Variants in MTREX observed in about 807,000 individuals in gnomAD.
MTREX encodes exosome RNA helicase MTR4.
A neutral mutation model predicts 135.4 loss-of-function variants in MTREX; 76 were observed. That is an observed-to-expected ratio of 0.56 (90% CI 0.47 to 0.68). The LOEUF is 0.68. MTREX is among the 30% of genes least tolerant of loss of function. The pLI is 0.00. For synonymous variants in MTREX, 404 were observed against 401.6 expected (o/e 1.01, Z -0.07); for missense variants, 920 against 1,262.1 (o/e 0.73, Z 4.11).
chr5:55,390,593 C>T (rs1037255476), intron 19 of MTREX, among the ~76,000 whole-genome samples: 1 of 152,136 alleles, frequency 6.6e-6, no homozygotes, highest in Non-Finnish European at 1.5e-5. Flanking sequence ...GACACTGTTG[C>T]TTTGCCAGCT....
chr5:55,322,382 A>G lies in MTREX; in HGVS notation c.190A>G (p.Arg64Gly). 6.2e-7 allele frequency: 1 copy of G among 1,610,026 alleles called. No individual in the cohort carries two copies. The highest frequency in any genetic ancestry group is 8.5e-7 in the Non-Finnish European group (1 of 1,177,366). Residue 64 changes from arginine (R) to glycine (G), a missense_variant, in exon 2 of 27, where the codon AGA becomes GGA. This residue lies in a region of MTREX where 136 missense variants were observed against 126.7 expected (regional missense o/e 1.07). Coordinates refer to ENST00000230640, the MANE Select transcript of MTREX (RefSeq NM_015360.5). Reference sequence around the variant, plus strand: ...ATCAACTAATAATGGAAAAAATAAGAGAGATGTAGATTTCGAAGGTACAGA... The same window carrying G: ...ATCAACTAATAATGGAAAAAATAAGGGAGATGTAGATTTCGAAGGTACAGA... Reference protein sequence around the residue: ...SESTNNGKNKRDVDFEGTDEP... With the variant: ...SESTNNGKNKGDVDFEGTDEP...
intron 23 of MTREX, among the ~76,000 whole-genome samples, chr5:55,411,942 TGTTC>T (rs1750890138): frequency 6.6e-6 from 1 of 152,198 alleles, no homozygotes. Context: ...ATTATTTGCA[TGTTC>T]TTGTTGTTTT....
In MTREX at chr5:55,378,311, C is replaced by T. The variant is rs759803687; in HGVS notation, c.1811-3C>T. The T allele has an allele frequency of 6.9e-6, 11 of 1,583,734 alleles. No individual in the cohort carries two copies. The highest frequency in any genetic ancestry group is 9.4e-6 in the Non-Finnish European group (11 of 1,170,496). On this transcript the variant is annotated splice_region_variant and splice_polypyrimidine_tract_variant and intron_variant, in intron 16 of 26. Coordinates refer to ENST00000230640, the MANE Select transcript of MTREX (RefSeq NM_015360.5). Reference sequence around the variant, plus strand: ...TAATTTTGTACATGTGTTCTATTTACAGAGGTAAAGAATTCAGAAGAACAG... The same window carrying T: ...TAATTTTGTACATGTGTTCTATTTATAGAGGTAAAGAATTCAGAAGAACAG...
chr5:55,393,873 C>T (rs1407749739), intron 19 of MTREX, among the ~76,000 whole-genome samples: 2 of 152,110 alleles, frequency 1.3e-5, no homozygotes, highest in Non-Finnish European at 2.9e-5. Flanking sequence ...AATTTTTAAA[C>T]ATTTAACTTC....
intron 5 of MTREX, among the ~76,000 whole-genome samples, chr5:55,331,955 G>A (rs747489943): frequency 1.5e-4 from 23 of 152,174 alleles, no homozygotes; most frequent in Non-Finnish European, 3.1e-4. Context: ...CCATCTTGGT[G>A]TAAGTGGATG....
At chr5:55,362,821 T>C (rs926756602) in intron 15 of MTREX, among the ~76,000 whole-genome samples, 2 of 152,228 alleles carry the variant, frequency 1.3e-5, no homozygotes, top group Non-Finnish European at 2.9e-5. Flanking sequence ...TTTTATTTGT[T>C]AGCGGTTAGG....
Position 55,424,775 on chromosome 5 carries a change from T to C in MTREX, c.*3T>C. The C allele has an allele frequency of 1.9e-6, 3 of 1,603,884 alleles. No individual in the cohort carries two copies. The highest frequency in any genetic ancestry group is 2.6e-6 in the Non-Finnish European group (3 of 1,170,792). On this transcript the variant is annotated 3_prime_UTR_variant, in exon 27 of 27. Coordinates refer to ENST00000230640, the MANE Select transcript of MTREX (RefSeq NM_015360.5). ...TTGCTGCCAGCCTCTACTTGTAGAG[T>C]CAGCTAAAGGAATGTGAGATTTTAA...
rs888047270 is a variant in MTREX, at chr5:55,307,990, G to A, written c.-24G>A. ...CGCGGGGCATCGTGGGTAGGAGGGA[G>A]ATTTGCTCTCACTGCTCCCAAAAAT... On this transcript the variant is annotated 5_prime_UTR_variant, in exon 1 of 27. Coordinates refer to ENST00000230640, the MANE Select transcript of MTREX (RefSeq NM_015360.5). 6.2e-7 allele frequency: 1 copy of A among 1,614,102 alleles called. No homozygotes were observed. Among genetic ancestry groups the A allele is most frequent in the Non-Finnish European group, 8.5e-7 (1 of 1,179,996 alleles).
chr5:55,353,939 A>G (rs1314576489), intron 14 of MTREX, among the ~76,000 whole-genome samples: 2 of 152,196 alleles, frequency 1.3e-5, no homozygotes, highest in African/African-American at 2.4e-5. Context: ...ACTTGCATCT[A>G]TTTTGCCCTT....
intron 8 of MTREX, among the ~76,000 whole-genome samples, chr5:55,343,791 A>C (rs1749689091): frequency 6.6e-6 from 1 of 152,152 alleles, no homozygotes; most frequent in Non-Finnish European, 1.5e-5. Context: ...GAGTACACAG[A>C]ATTTCCCCTA....
intron 15 of MTREX, among the ~76,000 whole-genome samples, chr5:55,363,648 G>C (rs958231734): frequency 1.3e-5 from 2 of 152,080 alleles, no homozygotes; most frequent in African/African-American, 4.8e-5. Context: ...TATATTTTTA[G>C]TAATATGAGG....
intron 14 of MTREX, among the ~76,000 whole-genome samples, chr5:55,355,427 A>T (rs1055239631): frequency 1.3e-5 from 2 of 152,098 alleles, no homozygotes; most frequent in African/African-American, 4.8e-5. Flanking sequence ...ACTCCCTTTA[A>T]CCCCTCCACT....
chr5:55,361,775 T>A (rs1191922423), intron 15 of MTREX, among the ~76,000 whole-genome samples: 1 of 148,624 alleles, frequency 6.7e-6, no homozygotes, highest in East Asian at 2.0e-4. Context: ...TTTTTTTTAA[T>A]AGAGACAGGG....
chr5:55,420,952 G>A (rs557761729), intron 25 of MTREX, among the ~76,000 whole-genome samples: 3 of 152,090 alleles, frequency 2.0e-5, no homozygotes, highest in Non-Finnish European at 4.4e-5. Flanking sequence ...GGTTAAAAAG[G>A]TGGATTTTAT....
rs10592726 is a variant in MTREX, at chr5:55,324,424, C to CTTTTTTTTTTTTTT, written c.339+253_339+266dup. ...ATCTTGGGTAAATTTCTTATTTTAA[C>CTTTTTTTTTTTTTT]TTTTTTTTTTTTTTTTTTTTTTTTT... On this transcript the variant is annotated intron_variant, in intron 3 of 26. Coordinates refer to ENST00000230640, the MANE Select transcript of MTREX (RefSeq NM_015360.5). The CTTTTTTTTTTTTTT allele has an allele frequency of 1.8e-4, 3 of 16,990 alleles. 1 individual carries two copies. Among genetic ancestry groups the CTTTTTTTTTTTTTT allele is most frequent in the Non-Finnish European group, 3.3e-4 (3 of 9,004 alleles). 1.1% of individuals were successfully genotyped at this position (16,990 alleles called of 1,614,324 possible). A position where few individuals can be genotyped will look rare whatever the true frequency, so the allele number is the denominator to read the frequency against.
At chr5:55,341,660 A>T (rs142545606) in intron 6 of MTREX, 21 bp from the exon 7 acceptor site, 1 of 1,403,672 alleles carries the variant, frequency 7.1e-7, no homozygotes, top group Non-Finnish European at 9.9e-7. Context: ...AACTAAATAC[A>T]TTTTTTACTT....
At chr5:55,351,359 C>G (rs1051427823) in intron 13 of MTREX, among the ~76,000 whole-genome samples, 1 of 152,010 alleles carries the variant, frequency 6.6e-6, no homozygotes, top group African/African-American at 2.4e-5. Context: ...ATGGAGAAAC[C>G]CCATCTCTGC....
chr5:55,352,041 GTTTTGT>G (rs756752881), intron 13 of MTREX, among the ~76,000 whole-genome samples: 2 of 150,672 alleles, frequency 1.3e-5, no homozygotes, highest in East Asian at 2.0e-4. Context: ...GTTTTGTTTT[GTTTTGT>G]TTTTGTTTTT....
rs1749960440 is a variant in MTREX, at chr5:55,358,685, A to C, written c.1646A>C (p.Lys549Thr). The change falls in exon 15 of 27, where the codon AAA becomes ACA. Residue 549 changes from lysine (K) to threonine (T), a missense_variant. Transcript: ENST00000230640. Reference protein sequence around the residue: ...VDEKMSPTIGKQLLKGSADPL... With the variant: ...VDEKMSPTIGTQLLKGSADPL... ...GAAAAGATGAGCCCAACAATTGGAA[A>C]ACAATTACTTAAGGTAACTACATTA... 6.3e-7 allele frequency: 1 copy of C among 1,595,906 alleles called. No homozygotes were observed. Among genetic ancestry groups the C allele is most frequent in the Non-Finnish European group, 8.5e-7 (1 of 1,175,292 alleles).
Sources: allele counts gnomAD v4.1 joint callset (sites outside exome capture counted in the v4.1 genomes callset), GRCh38; gene constraint gnomAD v4.1.1; regional missense constraint gnomAD v4.1.1; transcripts MANE v1.5; gene names NCBI Gene and HGNC (gene_info 2026-07-23, HGNC 2026-07-21).